EPHA5: variants seen among roughly 807,000 people sequenced by gnomAD.
The protein encoded by EPHA5 is ephrin type-A receptor 5.
In EPHA5, 60 loss-of-function variants were observed where a neutral mutation model predicts 105.0. That is an observed-to-expected ratio of 0.57 (90% CI 0.46 to 0.71). The LOEUF is 0.71. Ranked by LOEUF, EPHA5 falls within the 30% of genes least tolerant of loss-of-function variation. The pLI is 0.00. For missense variants in EPHA5, 1,218 were observed against 1,274.7 expected, an observed-to-expected ratio of 0.96 and a Z score of 0.68; for synonymous variants, 513 against 449.1, an observed-to-expected ratio of 1.14 and a Z score of -1.80.
chr4:65,644,548 G>A (rs534692717), intron 1 of EPHA5, among the ~76,000 whole-genome samples: 77 of 152,162 alleles, frequency 5.1e-4, no homozygotes, highest in African/African-American at 1.4e-3. Context: ...GATTCTTTGT[G>A]TAAGTGTAAG....
Position 65,324,032 on chromosome 4 carries a change from C to T in EPHA5, c.*82G>A. ...TTAGAAATCACTGTTTTCCCTTTTC[C>T]CCCTTTTTTTGTTAAAATAAATCTC... is the stretch of plus-strand genomic sequence containing the variant. On this transcript the variant is annotated 3_prime_UTR_variant, in exon 17 of 17. Transcript: ENST00000613740. The T allele has an allele frequency of 1.1e-6, 1 of 898,226 alleles. No homozygotes were observed. Among genetic ancestry groups the T allele is most frequent in the Non-Finnish European group, 1.8e-6 (1 of 567,008 alleles). The allele number at this position is 898,226 out of a possible 1,614,324, so 55.6% of individuals were successfully genotyped here.
intron 3 of EPHA5, among the ~76,000 whole-genome samples, chr4:65,509,612 C>T (rs1227826102): frequency 1.3e-5 from 2 of 152,098 alleles, no homozygotes; most frequent in Non-Finnish European, 2.9e-5. Context: ...AAAGCATATT[C>T]CTTTTCCATT....
intron 8 of EPHA5, among the ~76,000 whole-genome samples, chr4:65,398,238 C>T (rs960083560): frequency 2.6e-5 from 4 of 152,146 alleles, no homozygotes; most frequent in Admixed American, 2.6e-4. Flanking sequence ...TGAGGATGAC[C>T]CTGGGTGCTG....
In EPHA5 at chr4:65,336,022, C is replaced by T. The variant is rs2148813281; in HGVS notation, c.2699G>A (p.Ser900Asn). ...MLDCWQKERN[S>N]RPKFDEIVNM... ...GACTATTTCATCAAACTTGGGCCTGCTATTTCGCTCTTTCTGCCAGCAATC... is the reference window on the plus strand; with the variant it reads ...GACTATTTCATCAAACTTGGGCCTGTTATTTCGCTCTTTCTGCCAGCAATC... Residue 900 changes from serine to asparagine, a missense_variant, in exon 15 of 17, where the codon AGC becomes AAC. Physicochemically the swap from Ser to Asn is conservative, Grantham distance 46. Coordinates refer to ENST00000613740, the MANE Select transcript of EPHA5 (RefSeq NM_001281766.3). The T allele has an allele frequency of 6.2e-7, 1 of 1,613,362 alleles. No homozygotes were observed. The highest frequency in any genetic ancestry group is 1.7e-4 in the Middle Eastern group (1 of 6,058).
chr4:65,383,041 T>G (rs1285745440), intron 8 of EPHA5, among the ~76,000 whole-genome samples: 1 of 149,082 alleles, frequency 6.7e-6, no homozygotes, highest in Non-Finnish European at 1.5e-5. Context: ...ATATAATTTA[T>G]ATATACATTA....
rs150787530 is a variant in EPHA5, at chr4:65,523,192, T to A, written c.911-27649A>T. ...TACATATTTTAACATTTAGTTAGAA[T>A]CTAATACAGCATATTCTATTACATA... On this transcript the variant is annotated intron_variant, in intron 3 of 16. Coordinates refer to ENST00000613740, the MANE Select transcript of EPHA5 (RefSeq NM_001281766.3). Among the ~76,000 whole-genome samples, 32 of 152,098 alleles carry A rather than the reference T, an allele frequency of 2.1e-4. 1 individual carries two copies. Among genetic ancestry groups the A allele is most frequent in the African/African-American group, 7.2e-4 (30 of 41,532 alleles).
intron 14 of EPHA5, among the ~76,000 whole-genome samples, chr4:65,338,781 T>C (rs992373100): frequency 6.6e-6 from 1 of 152,136 alleles, no homozygotes; most frequent in African/African-American, 2.4e-5. Flanking sequence ...CTAATGATTC[T>C]TTATAATAGT....
intron 2 of EPHA5, among the ~76,000 whole-genome samples, chr4:65,612,480 T>A (rs1196412390): frequency 6.6e-6 from 1 of 152,226 alleles, no homozygotes; most frequent in Admixed American, 6.5e-5. Flanking sequence ...GTCCCATTCA[T>A]GTTTCTGCAA....
At chr4:65,554,012 C>A (rs930288300) in intron 3 of EPHA5, among the ~76,000 whole-genome samples, 1 of 151,756 alleles carries the variant, frequency 6.6e-6, no homozygotes, top group Non-Finnish European at 1.5e-5. Flanking sequence ...TGAAGAATAT[C>A]TCTTAGCAAA....
At chr4:65,637,910 A>G (rs760042884) in intron 2 of EPHA5, among the ~76,000 whole-genome samples, 1 of 152,154 alleles carries the variant, frequency 6.6e-6, no homozygotes, top group Admixed American at 6.5e-5. Context: ...TGAGTTTACA[A>G]TGTAATAAAG....
At chr4:65,433,946 T>C (rs745355483) in intron 5 of EPHA5, among the ~76,000 whole-genome samples, 2 of 151,894 alleles carry the variant, frequency 1.3e-5, no homozygotes, top group Non-Finnish European at 2.9e-5. Flanking sequence ...ACTACTCTAC[T>C]CGGGAGGCTG....
chr4:65,491,719 A>T (rs984385786), intron 4 of EPHA5, among the ~76,000 whole-genome samples: 1 of 152,070 alleles, frequency 6.6e-6, no homozygotes, highest in African/African-American at 2.4e-5. Context: ...TTCCACTAAA[A>T]TATGAGTAAT....
intron 2 of EPHA5, among the ~76,000 whole-genome samples, chr4:65,628,840 C>T (rs1746379748): frequency 6.6e-6 from 1 of 152,164 alleles, no homozygotes; most frequent in South Asian, 2.1e-4. Flanking sequence ...ATGTTATAAT[C>T]AACCAAAGTC....
intron 3 of EPHA5, among the ~76,000 whole-genome samples, chr4:65,504,987 T>G (rs1330210883): frequency 1.3e-5 from 2 of 152,040 alleles, no homozygotes; most frequent in Non-Finnish European, 2.9e-5. Flanking sequence ...TGTGAATTAG[T>G]TAAGAAATAA....
intron 5 of EPHA5, among the ~76,000 whole-genome samples, chr4:65,431,573 C>T (rs1724980815): frequency 6.6e-6 from 1 of 151,982 alleles, no homozygotes; most frequent in Admixed American, 6.6e-5. Flanking sequence ...GTGCTACTGG[C>T]AATTCTCCTC....
chr4:65,507,277 G>A (rs1233879756), intron 3 of EPHA5, among the ~76,000 whole-genome samples: 3 of 152,118 alleles, frequency 2.0e-5, no homozygotes, highest in East Asian at 1.9e-4. Context: ...TAGCCTTGTA[G>A]TATAGTTTGA....
chr4:65,637,997 GAATGAATAATAGTGTTTCCCTTA>G (rs78771587), intron 2 of EPHA5, among the ~76,000 whole-genome samples: 37,079 of 151,886 alleles, frequency 0.24, 5,240 homozygotes, highest in East Asian at 0.57. Context: ...TGATTATGAG[GAATGAATAATAGTGTTTCCCTTA>G]AATTCTTGCC....
chr4:65,448,242 CAAAGA>C (rs1726747387), intron 5 of EPHA5, among the ~76,000 whole-genome samples: 1 of 147,828 alleles, frequency 6.8e-6, no homozygotes, highest in Non-Finnish European at 1.5e-5. Flanking sequence ...ATAAAAAAAG[CAAAGA>C]ATAGTCAAAA....
chr4:65,479,329 A>G (rs1386788873), intron 5 of EPHA5, among the ~76,000 whole-genome samples: 5 of 152,198 alleles, frequency 3.3e-5, no homozygotes, highest in African/African-American at 1.2e-4. Context: ...AAGAGATAGG[A>G]TGGAAACCAG....
Sources: gnomAD v4.1 joint callset for allele counts (sites outside exome capture counted in the v4.1 genomes callset) on GRCh38, gnomAD v4.1.1 for gene constraint, MANE v1.5 for transcripts, NCBI Gene and HGNC (gene_info 2026-07-23, HGNC 2026-07-21) for gene names.